The following SNAP47 variants were observed in gnomAD, a reference collection of about 807,000 sequenced individuals.
SNAP47 encodes synaptosomal-associated protein 47.
SNAP47 carries 20 observed loss-of-function variants against 31.4 expected under a neutral mutation model. The ratio of observed to expected loss-of-function variants is 0.64; its 90% CI spans 0.45 to 0.93. The LOEUF is 0.93. Among genes scored for constraint, SNAP47 ranks in the 40% least tolerant of loss-of-function variants. SNAP47 has a pLI of 0.00. For missense variants in SNAP47, 492 were observed against 528.5 expected, an observed-to-expected ratio of 0.93 and a Z score of 0.68; for synonymous variants, 194 against 213.4, an observed-to-expected ratio of 0.91 and a Z score of 0.79.
intron 1 of SNAP47, among the ~76,000 whole-genome samples, chr1:227,738,240 C>T (rs1394591352): frequency 3.3e-5 from 5 of 152,110 alleles, no homozygotes; most frequent in Non-Finnish European, 7.3e-5. Flanking sequence ...CGGGGTTTCA[C>T]CATGTTGGTC....
chr1:227,747,787 G>T lies in SNAP47; in HGVS notation c.51G>T (p.Glu17Asp). 6.2e-6 allele frequency: 10 copies of T among 1,614,172 alleles called. No individual in the cohort carries two copies. Among genetic ancestry groups the T allele is most frequent in the Non-Finnish European group, 7.6e-6 (9 of 1,180,038 alleles). ...IHTWPCTYYLEPKRRWVTGQL... is the reference protein window; with the variant it reads ...IHTWPCTYYLDPKRRWVTGQL... ...CCTGGCCGTGCACCTACTACCTGGA[G>T]CCCAAGAGGCGATGGGTTACTGGAC... The change falls in exon 2 of 5, where the codon GAG becomes GAT. Residue 17 changes from glutamate to aspartate, a missense_variant. By Grantham distance (45) the Glu-to-Asp change is conservative. Coordinates refer to ENST00000617596, the MANE Select transcript of SNAP47 (RefSeq NM_053052.4).
At chr1:227,777,413 G>A (rs1272438579) in intron 4 of SNAP47, among the ~76,000 whole-genome samples, 13 of 152,302 alleles carry the variant, frequency 8.5e-5, no homozygotes, top group Admixed American at 7.8e-4. Context: ...GGCTGTTGGG[G>A]TCTGTGTGGA....
At chr1:227,729,035 G>A (rs1660478167) in intron 1 of SNAP47, among the ~76,000 whole-genome samples, 1 of 152,244 alleles carries the variant, frequency 6.6e-6, no homozygotes, top group African/African-American at 2.4e-5. Context: ...TGATTAGGGC[G>A]TGGGGCCCCA....
intron 4 of SNAP47, among the ~76,000 whole-genome samples, chr1:227,777,862 T>TG (rs1664252217): frequency 2.0e-5 from 3 of 152,196 alleles, no homozygotes; most frequent in Non-Finnish European, 4.4e-5. Flanking sequence ...TGACCCGGGA[T>TG]GTGGTCTGGG....
Position 227,748,227 on chromosome 1 carries a change from C to A in SNAP47, c.491C>A (p.Ala164Glu). Residue 164 changes from alanine (A) to glutamate (E), a missense_variant, in exon 2 of 5, where the codon GCG becomes GAG. By Grantham distance (107) the Ala-to-Glu change is moderately radical. Transcript: ENST00000617596. ...AAGATGGAGTCAGACCTGGAGGTGG[C>A]GGACAGGTGGGCTTGCTGTGTACAC... The part of the protein sequence containing the change: ...LDKMESDLEV[A>E]DRLLTELESP... 1 of 1,576,576 alleles carries A rather than the reference C, an allele frequency of 6.3e-7. No individual in the cohort carries two copies. The highest frequency in any genetic ancestry group is 1.8e-5 in the Admixed American group (1 of 55,264).
intron 4 of SNAP47, among the ~76,000 whole-genome samples, chr1:227,772,005 G>A (rs752191533): frequency 2.0e-5 from 3 of 152,070 alleles, no homozygotes; most frequent in African/African-American, 4.8e-5. Flanking sequence ...AGCAGAGACC[G>A]AGTGCTTGAC....
intron 2 of SNAP47, among the ~76,000 whole-genome samples, chr1:227,752,191 C>G (rs1038716493): frequency 2.0e-5 from 3 of 152,222 alleles, no homozygotes; most frequent in Non-Finnish European, 4.4e-5. Flanking sequence ...GTCACCACCA[C>G]AGTCATACGC....
At chr1:227,733,337 T>G, upstream of SNAP47, 1 of 1,456,192 alleles carries the variant, frequency 6.9e-7, no homozygotes, top group Non-Finnish European at 9.2e-7. Context: ...CAGCTCTGGC[T>G]GGGAGAGTGG....
intron 4 of SNAP47, chr1:227,775,993 A>T (rs922271970): frequency 8.0e-7 from 1 of 1,249,190 alleles, no homozygotes; most frequent in East Asian, 5.7e-5. Flanking sequence ...GTTGGAGGAA[A>T]GTGGCTTTGG....
At chr1:227,732,173 C>T (rs1162575695), upstream of SNAP47, 4 of 603,810 alleles carry the variant, frequency 6.6e-6, no homozygotes, top group Non-Finnish European at 1.2e-5. Context: ...TCCCAGCAGG[C>T]CTGCTGCAGG....
chr1:227,779,213 G>A (rs967367050), intron 4 of SNAP47, among the ~76,000 whole-genome samples: 4 of 152,206 alleles, frequency 2.6e-5, no homozygotes, highest in African/African-American at 4.8e-5. Context: ...TGTCCTGGCC[G>A]CCTTCATACT....
chr1:227,773,569 C>A lies in SNAP47; in HGVS notation c.1113+6486C>A, dbSNP rs76173992. Reference sequence around the variant, plus strand: ...TCATGCCTAAGCCTTCACGCTCACTCACCACACACCCAGGGCCGCGTCCAG... The same window carrying A: ...TCATGCCTAAGCCTTCACGCTCACTAACCACACACCCAGGGCCGCGTCCAG... On this transcript the variant is annotated intron_variant, in intron 4 of 4. Coordinates refer to ENST00000617596, the MANE Select transcript of SNAP47 (RefSeq NM_053052.4). Among the ~76,000 whole-genome samples, 617 of 152,358 alleles carry A rather than the reference C, an allele frequency of 4.0e-3. 8 individuals are homozygous for A. Among genetic ancestry groups the A allele is most frequent in the African/African-American group, 0.014 (586 of 41,584 alleles).
chr1:227,735,541 A>C, intron 1 of SNAP47, 42 bp downstream of exon 1: 4 of 1,361,996 alleles, frequency 2.9e-6, no homozygotes, highest in Non-Finnish European at 3.8e-6. Flanking sequence ...GGCCCAAGCC[A>C]AGCCGTAGCG....
intron 4 of SNAP47, among the ~76,000 whole-genome samples, chr1:227,779,064 G>A (rs1229819146): frequency 6.6e-6 from 1 of 152,228 alleles, no homozygotes; most frequent in East Asian, 1.9e-4. Flanking sequence ...CTGGGCAGCT[G>A]GCCGGGGAAG....
chr1:227,738,024 G>GT (rs1044530983), intron 1 of SNAP47, among the ~76,000 whole-genome samples: 13 of 151,822 alleles, frequency 8.6e-5, no homozygotes, highest in Non-Finnish European at 1.5e-4. Flanking sequence ...TGGTTTTTTT[G>GT]TTTTTTGTTT....
intron 4 of SNAP47, chr1:227,770,454 G>A (rs1469764533): frequency 2.0e-5 from 3 of 153,702 alleles, no homozygotes; most frequent in Non-Finnish European, 4.4e-5. Flanking sequence ...TGTCCCATGT[G>A]GACCAGTTCT....
upstream of SNAP47, chr1:227,734,525 G>A (rs924650291): frequency 4.8e-6 from 4 of 830,640 alleles, no homozygotes; most frequent in Non-Finnish European, 7.7e-6. Context: ...CTTTTAAACT[G>A]ATTAAAGTGC....
upstream of SNAP47, chr1:227,734,008 GA>G: frequency 6.2e-7 from 1 of 1,613,696 alleles, no homozygotes; most frequent in Non-Finnish European, 8.5e-7. Flanking sequence ...CAGGCAGGGT[GA>G]AAACGTCCTC....
At chr1:227,742,650 A>G (rs560219283) in intron 1 of SNAP47, among the ~76,000 whole-genome samples, 1 of 152,234 alleles carries the variant, frequency 6.6e-6, no homozygotes, top group African/African-American at 2.4e-5. Flanking sequence ...AGCTCTCTGT[A>G]TAGAGGTGGT....
Sources: allele counts gnomAD v4.1 joint callset (sites outside exome capture counted in the v4.1 genomes callset), GRCh38; gene constraint gnomAD v4.1.1; transcripts MANE v1.5; gene names NCBI Gene and HGNC (gene_info 2026-07-23, HGNC 2026-07-21).